SCFD2: variants seen among roughly 807,000 people sequenced by gnomAD.
The protein encoded by SCFD2 is sec1 family domain-containing protein 2.
Under a neutral mutation model 58.9 loss-of-function variants are expected in SCFD2, and 54 were observed. The observed-to-expected ratio is 0.92, with a 90% CI of 0.74 to 1.15. SCFD2 has a LOEUF of 1.15. SCFD2 is among the 50% of genes most tolerant of loss of function. The pLI is 0.00. For missense variants in SCFD2, 805 were observed against 836.6 expected (o/e 0.96, Z 0.47); for synonymous variants, 321 against 335.9 (o/e 0.96, Z 0.49).
At chr4:52,971,501 A>C (rs1362995685) in intron 5 of SCFD2, among the ~76,000 whole-genome samples, 1 of 152,226 alleles carries the variant, frequency 6.6e-6, no homozygotes, top group African/African-American at 2.4e-5. Context: ...AGCCTCCAAG[A>C]AATATGGGAC....
At chr4:53,071,959 C>G (rs1723828228) in intron 5 of SCFD2, among the ~76,000 whole-genome samples, 1 of 152,054 alleles carries the variant, frequency 6.6e-6, no homozygotes, top group Non-Finnish European at 1.5e-5. Context: ...GCCAAACAGT[C>G]CTTGTTTAAT....
At chr4:53,019,036 A>G (rs1722282509) in intron 5 of SCFD2, among the ~76,000 whole-genome samples, 1 of 152,144 alleles carries the variant, frequency 6.6e-6, no homozygotes, top group Non-Finnish European at 1.5e-5. Flanking sequence ...AGATGATAGG[A>G]ATGAACTGCA....
At chr4:53,025,991 G>A (rs1410241831) in intron 5 of SCFD2, among the ~76,000 whole-genome samples, 1 of 151,882 alleles carries the variant, frequency 6.6e-6, no homozygotes, top group Non-Finnish European at 1.5e-5. Context: ...ATATGTAAAT[G>A]ACTACGGTTT....
At chr4:53,098,674 G>A (rs1234569604) in intron 5 of SCFD2, among the ~76,000 whole-genome samples, 1 of 151,868 alleles carries the variant, frequency 6.6e-6, no homozygotes. Flanking sequence ...TATCTCCTCA[G>A]TACTTTAAGA....
At chr4:53,153,156 G>A (rs1726562694) in intron 4 of SCFD2, among the ~76,000 whole-genome samples, 2 of 152,214 alleles carry the variant, frequency 1.3e-5, no homozygotes, top group African/African-American at 4.8e-5. Context: ...GTGTCCCAGT[G>A]TGGAATCTGT....
intron 4 of SCFD2, among the ~76,000 whole-genome samples, chr4:53,154,158 C>T (rs935635782): frequency 9.9e-5 from 15 of 152,098 alleles, no homozygotes; most frequent in African/African-American, 3.4e-4. Context: ...TTCCTCGTAC[C>T]GATTTTTTGT....
intron 4 of SCFD2, among the ~76,000 whole-genome samples, chr4:53,269,957 T>A (rs1731109680): frequency 6.6e-6 from 1 of 151,902 alleles, no homozygotes; most frequent in Non-Finnish European, 1.5e-5. Flanking sequence ...ACTCAGGAGG[T>A]GGAGGTTGCA....
At chr4:52,976,223 G>T (rs1721258371) in intron 5 of SCFD2, among the ~76,000 whole-genome samples, 1 of 152,070 alleles carries the variant, frequency 6.6e-6, no homozygotes, top group Non-Finnish European at 1.5e-5. Context: ...AAATTTGAAG[G>T]CTTTGTAAAA....
chr4:52,920,171 T>C (rs28491101), intron 6 of SCFD2, among the ~76,000 whole-genome samples: 7,941 of 152,262 alleles, frequency 0.052, 248 homozygotes, highest in South Asian at 0.13. Context: ...ACAGCAATTA[T>C]ACCTTAATCT....
intron 5 of SCFD2, among the ~76,000 whole-genome samples, chr4:52,968,564 C>T (rs901861732): frequency 1.3e-5 from 2 of 152,094 alleles, no homozygotes; most frequent in African/African-American, 2.4e-5. Flanking sequence ...ACGACAGATA[C>T]TATTATGAAT....
At chr4:52,979,569 A>G (rs2067773342) in intron 5 of SCFD2, among the ~76,000 whole-genome samples, 1 of 152,094 alleles carries the variant, frequency 6.6e-6, no homozygotes, top group Non-Finnish European at 1.5e-5. Flanking sequence ...CACAAAATCA[A>G]CATAGGATTC....
chr4:52,939,563 T>C (rs1370545508), intron 5 of SCFD2, among the ~76,000 whole-genome samples: 1 of 152,188 alleles, frequency 6.6e-6, no homozygotes, highest in African/African-American at 2.4e-5. Context: ...TCAGGCATTG[T>C]GCTACGAATC....
At chr4:53,197,391 AAC>A (rs1282366636) in intron 4 of SCFD2, among the ~76,000 whole-genome samples, 1 of 152,096 alleles carries the variant, frequency 6.6e-6, no homozygotes, top group Non-Finnish European at 1.5e-5. Context: ...GCAGTATTGT[AAC>A]ATCATGCTCA....
chr4:53,313,662 T>C lies in SCFD2; in HGVS notation c.1109A>G (p.Glu370Gly), dbSNP rs752417755. 1.9e-6 allele frequency: 3 copies of C among 1,613,908 alleles called. No individual in the cohort carries two copies. Residue 370 changes from glutamate (E) to glycine (G), a missense_variant, in exon 3 of 9, where the codon GAA (glutamate) becomes GGA (glycine). By Grantham distance (98) the Glu-to-Gly change is moderately conservative. Around this residue, in one of 3 missense-constraint regions of SCFD2, gnomAD observed 633 missense variants for 646.8 expected, o/e 0.98. Coordinates refer to ENST00000401642, the MANE Select transcript of SCFD2 (RefSeq NM_152540.4). Reference sequence around the variant, plus strand: ...CATACTCATCTTGATTGGCAGGTTTTCTCTGCTTGCCGCTTCCACTAGATG... The same window carrying C: ...CATACTCATCTTGATTGGCAGGTTTCCTCTGCTTGCCGCTTCCACTAGATG... ...RRHLVEAASR[E>G]NLPIKMSMGR... is the part of the protein sequence containing the mutation.
chr4:53,223,670 T>A (rs1399945808), intron 4 of SCFD2, among the ~76,000 whole-genome samples: 2 of 152,238 alleles, frequency 1.3e-5, no homozygotes, highest in Non-Finnish European at 2.9e-5. Flanking sequence ...CTAGATGCAA[T>A]TATGACTTTT....
intron 5 of SCFD2, among the ~76,000 whole-genome samples, chr4:52,970,419 G>T (rs1721068980): frequency 1.3e-5 from 2 of 152,214 alleles, no homozygotes; most frequent in South Asian, 4.1e-4. Context: ...CTGGCTCATT[G>T]CTAGCACAGC....
At chr4:53,350,590 T>C (rs1734187310) in intron 2 of SCFD2, among the ~76,000 whole-genome samples, 1 of 152,238 alleles carries the variant, frequency 6.6e-6, no homozygotes, top group African/African-American at 2.4e-5. Context: ...GACTCCCAAA[T>C]TAACTCAAAG....
At chr4:52,982,045 G>GA (rs1721388230) in intron 5 of SCFD2, among the ~76,000 whole-genome samples, 1 of 152,170 alleles carries the variant, frequency 6.6e-6, no homozygotes, top group Admixed American at 6.6e-5. Flanking sequence ...AATGGATCAA[G>GA]GATGACTCTT....
In SCFD2 at chr4:53,038,018, C is replaced by A. The variant is rs116446178; in HGVS notation, c.1561+107315G>T. On this transcript the variant is annotated intron_variant, in intron 5 of 8. Coordinates refer to ENST00000401642, the MANE Select transcript of SCFD2 (RefSeq NM_152540.4). ...AATATGAAAATTTTTATTAAGTCTG[C>A]ATTCAGTGAAAAGAAAATTAGTGGT... 1.7e-3 allele frequency among the ~76,000 whole-genome samples: 252 copies of A among 152,184 alleles called. 1 individual carries two copies. The highest frequency in any genetic ancestry group is 5.7e-3 in the African/African-American group (237 of 41,532).
Sources: gnomAD v4.1 joint callset for allele counts (sites outside exome capture counted in the v4.1 genomes callset) on GRCh38, gnomAD v4.1.1 for gene constraint, gnomAD v4.1.1 regional missense constraint, MANE v1.5 for transcripts, NCBI Gene and HGNC (gene_info 2026-07-23, HGNC 2026-07-21) for gene names.